The following AACS variants were observed in gnomAD, a reference collection of about 807,000 sequenced individuals.
AACS encodes acetoacetyl-CoA synthetase, also known as acetoacetate-CoA ligase.
Under a neutral mutation model 83.1 loss-of-function variants are expected in AACS, and 69 were observed. That is an observed-to-expected ratio of 0.83 (90% CI 0.68 to 1.01). The LOEUF (loss-of-function observed/expected upper bound fraction) is 1.01. AACS is among the 50% of genes least tolerant of loss of function. The pLI, the probability that AACS is intolerant of heterozygous loss-of-function variation, is 0.00. For synonymous variants in AACS, 333 were observed against 343.4 expected, an observed-to-expected ratio of 0.97 and a Z score of 0.33; for missense variants, 866 against 882.2, an observed-to-expected ratio of 0.98 and a Z score of 0.23.
chr12:125,141,886 C>T (rs1414403543), intron 17 of AACS, among the ~76,000 whole-genome samples: 3 of 151,860 alleles, frequency 2.0e-5, no homozygotes, highest in Admixed American at 1.3e-4. Flanking sequence ...AGGTTTTATC[C>T]CCCAAACAGA....
chr12:125,098,492 C>G (rs367622319), intron 5 of AACS, among the ~76,000 whole-genome samples: 2 of 151,118 alleles, frequency 1.3e-5, no homozygotes, highest in East Asian at 3.9e-4. Context: ...CAGTCTGTCA[C>G]CCAGGCTGGA....
chr12:125,136,815 T>C lies in AACS; in HGVS notation c.1832T>C (p.Leu611Ser). The change falls in exon 17 of 18, where the codon TTG becomes TCG. Residue 611 changes from leucine to serine, a missense_variant. Leu to Ser is a moderately radical substitution (Grantham distance 145, BLOSUM62 -2). Transcript: ENST00000316519. ...ATCCGTGACGCCATCCGCATGGGCT[T>C]GTCTGCGCGACACGTGCCCAGCCTC... The part of the protein sequence containing the change: ...KRIRDAIRMG[L>S]SARHVPSLIL... 1 of 1,613,996 alleles carries C rather than the reference T, an allele frequency of 6.2e-7. No homozygotes were observed. The highest frequency in any genetic ancestry group is 8.5e-7 in the Non-Finnish European group (1 of 1,180,022).
intron 8 of AACS, among the ~76,000 whole-genome samples, chr12:125,112,616 G>T (rs1956976971): frequency 6.9e-6 from 1 of 144,172 alleles, no homozygotes; most frequent in Admixed American, 7.2e-5. Context: ...GGAGGTGGAG[G>T]TTGCAGTGAG....
intron 4 of AACS, among the ~76,000 whole-genome samples, chr12:125,090,207 TTATCCATCTATC>T (rs1956445051): frequency 8.1e-4 from 1 of 1,228 alleles, no homozygotes; most frequent in Non-Finnish European, 1.6e-3. Flanking sequence ...CATTTACCCA[TTATCCATCTATC>T]CATCCATTTA....
Position 125,129,510 on chromosome 12 carries a change from G to C in AACS, c.1549+50G>C. On this transcript the variant is annotated intron_variant, in intron 14 of 17. Coordinates refer to ENST00000316519, the MANE Select transcript of AACS (RefSeq NM_023928.5). This position sits in a 1 kb window ranked among gnomAD's most constrained non-coding sequence, Gnocchi z 4.3. ...GCTGGCCAGCCTCTGCCTTGGCTGG[G>C]CCTTCTGTGTCTAATTCTGTACCAT... The C allele has an allele frequency of 6.3e-7, 1 of 1,595,032 alleles. No homozygotes were observed. Among genetic ancestry groups the C allele is most frequent in the Non-Finnish European group, 8.5e-7 (1 of 1,170,908 alleles).
chr12:125,131,084 G>A (rs1202194474), intron 14 of AACS, among the ~76,000 whole-genome samples: 1 of 152,166 alleles, frequency 6.6e-6, no homozygotes, highest in Non-Finnish European at 1.5e-5. Flanking sequence ...TTTGGACGTC[G>A]TTACCTTAAA....
At chr12:125,089,458 C>A (rs1956413775) in intron 4 of AACS, among the ~76,000 whole-genome samples, 1 of 152,158 alleles carries the variant, frequency 6.6e-6, no homozygotes, top group South Asian at 2.1e-4. Flanking sequence ...TGTACAGGTC[C>A]TTTCCTCTGG....
Position 125,142,224 on chromosome 12 carries a change from TTC to T in AACS, c.2016_2017del (p.Phe672LeufsTer17). 6.2e-7 allele frequency: 1 copy of T among 1,613,812 alleles called. No individual in the cohort carries two copies. The highest frequency in any genetic ancestry group is 2.2e-5 in the East Asian group (1 of 44,876). On this transcript the variant is annotated frameshift_variant, in exon 18 of 18. Transcript: ENST00000316519. LOFTEE classifies it high-confidence loss of function. ...CCGGGACATCCCTGAGCTGCAGGGC[TTC>T]TGAGTCAGACTGGCTGGCGTGTCAC... ...LYRDIPELQG[F>X]
chr12:125,110,411 T>C (rs1220579700), intron 8 of AACS, among the ~76,000 whole-genome samples: 3 of 152,130 alleles, frequency 2.0e-5, no homozygotes, highest in Non-Finnish European at 2.9e-5. Flanking sequence ...ACATCTTACT[T>C]CCTCTGATCC....
intron 1 of AACS, among the ~76,000 whole-genome samples, chr12:125,066,502 T>C (rs1223512626): frequency 1.4e-5 from 2 of 143,230 alleles, no homozygotes; most frequent in Admixed American, 7.4e-5. Flanking sequence ...CAGGCTGGAG[T>C]GCAATGGCGA....
chr12:125,066,639 G>A (rs1044992376), intron 1 of AACS, among the ~76,000 whole-genome samples: 5 of 151,906 alleles, frequency 3.3e-5, no homozygotes, highest in Admixed American at 1.3e-4. Flanking sequence ...AGTAGAGACG[G>A]AGTTTCTCCA....
rs1194009920 is a variant in AACS at position 125,107,242 on chromosome 12, C to T, written c.889C>T (p.Pro297Ser). ...IMFSSGTTGA[P>S]KCMVHSAGGT... ...GTTCTCATCGGGCACCACGGGCGCA[C>T]CCAAGTGCATGGTGCATTCCGCTGG... The change falls in exon 8 of 18, where the codon CCC (proline) becomes TCC (serine). Residue 297 changes from proline (P) to serine (S), a missense_variant. By Grantham distance (74) the Pro-to-Ser change is moderately conservative (BLOSUM62 -1). Coordinates refer to ENST00000316519, the MANE Select transcript of AACS (RefSeq NM_023928.5). 1 of 1,613,996 alleles carries T rather than the reference C, an allele frequency of 6.2e-7. No homozygotes were observed. Among genetic ancestry groups the T allele is most frequent in the South Asian group, 1.1e-5 (1 of 91,090 alleles).
chr12:125,134,182 C>T, intron 15 of AACS, 110 bp downstream of exon 15: 2 of 1,154,414 alleles, frequency 1.7e-6, no homozygotes, highest in East Asian at 2.6e-5. Context: ...TCCTGGGCAC[C>T]TCACTCCACT....
In AACS at chr12:125,130,355, A is replaced by G. The variant is rs952333424; in HGVS notation, c.1549+895A>G. Among the ~76,000 whole-genome samples the G allele has an allele frequency of 8.5e-5, 13 of 152,230 alleles. No homozygotes were observed. The highest frequency in any genetic ancestry group is 3.1e-4 in the African/African-American group (13 of 41,464). The stretch of plus-strand genomic sequence containing the variant: ...CCTCCACTGCATACCTGCTGCACCT[A>G]TGCCCCACCTTGGCTCCTGCCGTGA... On this transcript the variant is annotated intron_variant, in intron 14 of 17. Coordinates refer to ENST00000316519, the MANE Select transcript of AACS (RefSeq NM_023928.5). This position sits in a 1 kb window ranked among gnomAD's most constrained non-coding sequence, Gnocchi z 4.9.
intron 9 of AACS, among the ~76,000 whole-genome samples, chr12:125,116,491 G>T (rs954634705): frequency 9.2e-5 from 14 of 151,778 alleles, no homozygotes; most frequent in African/African-American, 3.4e-4. Context: ...TGAGACGGAG[G>T]CTCACTCTGT....
chr12:125,105,636 A>T (rs1249699356), intron 7 of AACS: 1 of 152,234 alleles, frequency 6.6e-6, no homozygotes, highest in Non-Finnish European at 1.5e-5. Context: ...CACTTCATTT[A>T]GCCCGACACC....
At chr12:125,112,599 G>A (rs962093659) in intron 8 of AACS, among the ~76,000 whole-genome samples, 29 of 151,212 alleles carry the variant, frequency 1.9e-4, no homozygotes, top group Non-Finnish European at 2.9e-4. Context: ...AGAATCACTT[G>A]AACCCAGGAG....
Position 125,102,718 on chromosome 12 carries a change from A to G in AACS, c.610A>G (p.Ile204Val). ...DRFSQIQPKL[I>V]FSVEAVVYNG... ...GTTTTCTCAAATTCAGCCAAAGCTC[A>G]TCTTCTCTGTGGAGGCTGTTGTCTA... Residue 204 changes from isoleucine to valine, a missense_variant, in exon 6 of 18, where the codon ATC becomes GTC. Coordinates refer to ENST00000316519, the MANE Select transcript of AACS (RefSeq NM_023928.5). 2 of 1,614,014 alleles carry G rather than the reference A, an allele frequency of 1.2e-6. No individual in the cohort carries two copies. The highest frequency in any genetic ancestry group is 1.7e-6 in the Non-Finnish European group (2 of 1,179,994).
At chr12:125,091,229 A>G in intron 4 of AACS, 197 bp from the exon 5 acceptor site, 2 of 610,450 alleles carry the variant, frequency 3.3e-6, no homozygotes, top group Admixed American at 5.1e-5. Context: ...TGGAGAATGG[A>G]TTGCAGGGGG....
Sources: gnomAD v4.1 joint callset for allele counts (sites outside exome capture counted in the v4.1 genomes callset) on GRCh38, gnomAD v4.1.1 for gene constraint, Gnocchi (gnomAD v3.1) non-coding constraint, MANE v1.5 for transcripts, NCBI Gene and HGNC (gene_info 2026-07-23, HGNC 2026-07-21) for gene names.